MSN: variants seen among roughly 807,000 people sequenced by gnomAD.
MSN encodes epididymis luminal protein 70.
In MSN, 2 loss-of-function variants were observed where a neutral mutation model predicts 48.0. The ratio of observed to expected loss-of-function variants is 0.04; its 90% CI spans 0.02 to 0.13. The LOEUF (loss-of-function observed/expected upper bound fraction) is 0.13, where lower values mean the gene tolerates loss of function less well. Ranked by LOEUF, MSN falls within the 10% of genes least tolerant of loss-of-function variation. The probability of loss-of-function intolerance (pLI) is 1.00; values close to 1 mark genes in which losing one functional copy is unlikely to be tolerated. For synonymous variants in MSN, 146 were observed against 166.9 expected, an observed-to-expected ratio of 0.87 and a Z score of 0.97; for missense variants, 267 against 470.1, an observed-to-expected ratio of 0.57 and a Z score of 3.99.
At chrX:65,653,751 C>T (rs769088834) in intron 1 of MSN, among the ~76,000 whole-genome samples, 10 of 110,568 alleles carry the variant, frequency 9.0e-5, no homozygotes, top group Non-Finnish European at 1.7e-4. Context: ...ATACACATAG[C>T]TATGACCACA....
chrX:65,703,520 A>G (rs1192768924), intron 1 of MSN, among the ~76,000 whole-genome samples: 1 of 110,783 alleles, frequency 9.0e-6, no homozygotes, highest in Non-Finnish European at 1.9e-5. Context: ...GTAGGTAGGA[A>G]GCCAACCTTA....
chrX:65,737,237 A>G lies in MSN; in HGVS notation c.1150A>G (p.Ser384Gly). The G allele has an allele frequency of 8.3e-7, 1 of 1,209,858 alleles. No homozygotes were observed. Among genetic ancestry groups the G allele is most frequent in the African/African-American group, 1.7e-5 (1 of 57,742 alleles). The part of the protein sequence containing the change: ...ELEQERKRAQ[S>G]EAEKLAKERQ... ...TGAGCAGGAACGGAAGCGTGCCCAG[A>G]GCGAGGCTGAAAAGCTGGCCAAGGA... The change falls in exon 10 of 13, where the codon AGC (serine) becomes GGC (glycine). Residue 384 changes from serine to glycine, a missense_variant. This residue lies in a region of MSN where 70 missense variants were observed against 76.3 expected (regional missense o/e 0.92). Transcript: ENST00000360270.
intron 1 of MSN, among the ~76,000 whole-genome samples, chrX:65,686,185 A>G (rs1047631281): frequency 8.9e-6 from 1 of 112,990 alleles, no homozygotes; most frequent in African/African-American, 3.2e-5. Flanking sequence ...CTGGTCTTAG[A>G]AGCTTTCTAA....
chrX:65,696,583 T>C (rs1016537707), intron 1 of MSN, among the ~76,000 whole-genome samples: 2 of 110,871 alleles, frequency 1.8e-5, no homozygotes, highest in African/African-American at 6.6e-5. Flanking sequence ...TCTTATTCTC[T>C]CCAAAGAACT....
chrX:65,590,288 G>T (rs1244095487), intron 1 of MSN, among the ~76,000 whole-genome samples: 1 of 111,331 alleles, frequency 9.0e-6, no homozygotes, highest in East Asian at 2.8e-4. Context: ...CAAGCTAAGT[G>T]GCAAGGAGAC....
In MSN at chrX:65,631,212, C is replaced by G. The variant is rs1277208144; in HGVS notation, c.-22+42600C>G. 5.5e-5 allele frequency among the ~76,000 whole-genome samples: 6 copies of G among 109,935 alleles called. No individual in the cohort carries two copies. In the Admixed American group the frequency reaches 5.9e-4, roughly 11 times the overall value. On this transcript the variant is annotated intron_variant, in intron 1 of 3. Transcript: ENST00000609672. ...CCGGGCTCAAACAATTCTCCTGCCTCAGCTTCGAGTAGCTGGGATTACAGG... is the reference window on the plus strand; with the variant it reads ...CCGGGCTCAAACAATTCTCCTGCCTGAGCTTCGAGTAGCTGGGATTACAGG...
At chrX:65,604,899 T>C (rs1267754581) in intron 1 of MSN, among the ~76,000 whole-genome samples, 1 of 111,723 alleles carries the variant, frequency 9.0e-6, no homozygotes, top group Non-Finnish European at 1.9e-5. Flanking sequence ...CTTCCATACT[T>C]ACCTCCCTAC....
intron 1 of MSN, among the ~76,000 whole-genome samples, chrX:65,670,751 A>G (rs1569460270): frequency 9.9e-6 from 1 of 101,291 alleles, no homozygotes; most frequent in Non-Finnish European, 2.0e-5. Flanking sequence ...AAAACAAAAA[A>G]ACATGCCTCA....
intron 1 of MSN, among the ~76,000 whole-genome samples, chrX:65,595,545 G>T (rs1247785896): frequency 8.9e-6 from 1 of 111,783 alleles, no homozygotes; most frequent in Admixed American, 9.5e-5. Context: ...GATCTCTTGC[G>T]CCCCCCTCTG....
At chrX:65,635,764 A>C (rs745756494) in intron 1 of MSN, among the ~76,000 whole-genome samples, 6 of 112,094 alleles carry the variant, frequency 5.4e-5, no homozygotes, top group African/African-American at 1.9e-4. Context: ...TTGGGACATC[A>C]TGGAAGAGAA....
intron 1 of MSN, among the ~76,000 whole-genome samples, chrX:65,672,109 C>T (rs1329671639): frequency 8.9e-6 from 1 of 111,919 alleles, no homozygotes; most frequent in Non-Finnish European, 1.9e-5. Context: ...TGCATGGCAA[C>T]AGCCTGTCTT....
Position 65,736,876 on chromosome X carries a change from G to C in MSN, c.1041G>C (p.Leu347=), listed in dbSNP as rs1422218573. 8.4e-7 allele frequency: 1 copy of C among 1,194,764 alleles called. No homozygotes were observed. Among genetic ancestry groups the C allele is most frequent in the Non-Finnish European group, 1.1e-6 (1 of 885,849 alleles). Residue 347 remains leucine, a synonymous_variant, in exon 9 of 13, where the codon CTG becomes CTC. Coordinates refer to ENST00000360270, the MANE Select transcript of MSN (RefSeq NM_002444.3). The stretch of plus-strand genomic sequence containing the variant: ...AGATTGAACGGGAGAAGGAGGAGCT[G>C]ATGGAGAGGCTGAAGCAGATCGAGG... ...KEKIEREKEE[L]MERLKQIEEQ...
intron 1 of MSN, among the ~76,000 whole-genome samples, chrX:65,639,266 T>C (rs1273089285): frequency 2.7e-5 from 3 of 110,689 alleles, no homozygotes; most frequent in Non-Finnish European, 1.9e-5. Context: ...GCCTCAGCCT[T>C]CTGAGTAGCT....
chrX:65,705,747 G>T (rs1403006766), intron 1 of MSN, among the ~76,000 whole-genome samples: 3 of 111,855 alleles, frequency 2.7e-5, no homozygotes, highest in Non-Finnish European at 5.6e-5. Flanking sequence ...TTTCCAGTGT[G>T]CCCTTGTCTT....
rs188032811 is a variant in MSN, at chrX:65,591,545, C to A, written c.-22+2933C>A. Among the ~76,000 whole-genome samples, 3 of 112,174 alleles carry A rather than the reference C, an allele frequency of 2.7e-5. No individual in the cohort carries two copies. In the East Asian group the frequency reaches 8.5e-4, roughly 32 times the overall value. On this transcript the variant is annotated intron_variant, in intron 1 of 3. Coordinates refer to the MSN transcript ENST00000609672. Reference sequence around the variant, plus strand: ...TATTGATCCAGAGGGATGGACCCCACTTTCCCTTCTTTCCTTTTGCCAGTT... The same window carrying A: ...TATTGATCCAGAGGGATGGACCCCAATTTCCCTTCTTTCCTTTTGCCAGTT...
At chrX:65,668,595 T>C (rs12011733) in intron 1 of MSN, among the ~76,000 whole-genome samples, 23,712 of 110,876 alleles carry the variant, frequency 0.21, 6,257 homozygotes, top group African/African-American at 0.74. Flanking sequence ...GGTGTGGGTT[T>C]TCTCGTGGGG....
At chrX:65,705,204 G>A (rs1293571050) in intron 1 of MSN, among the ~76,000 whole-genome samples, 2 of 111,750 alleles carry the variant, frequency 1.8e-5, no homozygotes, top group Non-Finnish European at 3.8e-5. Context: ...GATCTCTGAC[G>A]TCTTTTTCAG....
chrX:65,599,166 G>A (rs977332375), intron 1 of MSN, among the ~76,000 whole-genome samples: 1 of 109,968 alleles, frequency 9.1e-6, no homozygotes, highest in Admixed American at 9.7e-5. Context: ...ATGGTAACAC[G>A]AGCCTGTAGT....
intron 1 of MSN, among the ~76,000 whole-genome samples, chrX:65,680,285 G>T (rs1003241038): frequency 9.0e-6 from 1 of 111,623 alleles, no homozygotes; most frequent in Non-Finnish European, 1.9e-5. Context: ...ATTTCTTGTC[G>T]TATCTCATAT....
Sources: allele counts gnomAD v4.1 joint callset (sites outside exome capture counted in the v4.1 genomes callset), GRCh38; gene constraint gnomAD v4.1.1; regional missense constraint gnomAD v4.1.1; transcripts MANE v1.5; gene names NCBI Gene and HGNC (gene_info 2026-07-23, HGNC 2026-07-21).